The following PSMD7 variants were observed in gnomAD, a reference collection of about 807,000 sequenced individuals.
PSMD7 encodes proteasome 26S subunit, non-ATPase 7.
Under a neutral mutation model 36.4 loss-of-function variants are expected in PSMD7, and 13 were observed. The observed-to-expected ratio is 0.36, with a 90% CI of 0.23 to 0.57. The LOEUF (loss-of-function observed/expected upper bound fraction) is 0.57, where lower values mean the gene tolerates loss of function less well. Among genes scored for constraint, PSMD7 ranks in the 20% least tolerant of loss-of-function variants. The probability of loss-of-function intolerance (pLI) is 0.83; values close to 1 mark genes in which losing one functional copy is unlikely to be tolerated. For missense variants in PSMD7, 298 were observed against 393.6 expected (o/e 0.76, Z 2.06); for synonymous variants, 186 against 151.0 (o/e 1.23, Z -1.70).
rs1839693814 is a variant in PSMD7 at position 74,304,611 on chromosome 16, G to A, written c.530+217G>A. On this transcript the variant is annotated intron_variant, in intron 6 of 6. Coordinates refer to ENST00000219313, the MANE Select transcript of PSMD7 (RefSeq NM_002811.5). The stretch of plus-strand genomic sequence containing the variant: ...CTACATCAACTGTAAAATGTCTTGA[G>A]TTACAATTTATGACTTTGTGGATAG... 8.9e-6 allele frequency: 4 copies of A among 449,206 alleles called. No homozygotes were observed. The South Asian group carries it at 1.0e-4, about 12-fold the overall frequency. The allele number at this position is 449,206 out of a possible 1,614,324, so 27.8% of individuals were successfully genotyped here. A position where few individuals can be genotyped will look rare whatever the true frequency, so the allele number is the denominator to read the frequency against.
At chr16:74,303,704 G>A (rs1005945331) in intron 5 of PSMD7, among the ~76,000 whole-genome samples, 2 of 151,744 alleles carry the variant, frequency 1.3e-5, no homozygotes, top group Admixed American at 6.6e-5. Flanking sequence ...TCTGTATATT[G>A]TCCATTCTAG....
At position 74,299,422 on chromosome 16, in the gene PSMD7, T is replaced by C. The variant is rs554825045; in HGVS notation, c.75-693T>C. Reference sequence around the variant, plus strand: ...GAGACAGGGTCTGCCGAGGCTGGGGTGCAGTAGCACAATCTCAGCTCACTG... The same window carrying C: ...GAGACAGGGTCTGCCGAGGCTGGGGCGCAGTAGCACAATCTCAGCTCACTG... On this transcript the variant is annotated intron_variant, in intron 1 of 6. Transcript: ENST00000219313. Among the ~76,000 whole-genome samples, 4 of 152,280 alleles carry C rather than the reference T, an allele frequency of 2.6e-5. No individual in the cohort carries two copies. The South Asian group carries it at 6.2e-4, about 24-fold the overall frequency.
At position 74,305,960 on chromosome 16, in the gene PSMD7, A is replaced by T. The variant is rs1479094228; in HGVS notation, c.*227A>T. The T allele has an allele frequency of 1.6e-5, 6 of 377,164 alleles. No individual in the cohort carries two copies. The highest frequency in any genetic ancestry group is 2.3e-5 in the Non-Finnish European group (5 of 216,888). The allele number at this position is 377,164 out of a possible 1,614,324, so 23.4% of individuals were successfully genotyped here. ...GCTGTGAGTTGGGGATATGATAGTC[A>T]GCTCAGGCTTCAGATTGTATGAGAA... On this transcript the variant is annotated 3_prime_UTR_variant, in exon 7 of 7. Transcript: ENST00000219313.
At chr16:74,304,263 T>G in intron 5 of PSMD7, 40 bp from the exon 6 acceptor site, 1 of 1,574,008 alleles carries the variant, frequency 6.4e-7, no homozygotes, top group Non-Finnish European at 8.7e-7. Context: ...TCAGTTCGTT[T>G]GTGGAAAATA....
In PSMD7 at chr16:74,306,211, C is replaced by T. The variant is rs2142567480; in HGVS notation, c.*478C>T. The T allele has an allele frequency of 6.5e-6, 1 of 152,926 alleles. No individual in the cohort carries two copies. The highest frequency in any genetic ancestry group is 1.5e-5 in the Non-Finnish European group (1 of 68,154). 9.5% of individuals were successfully genotyped at this position (152,926 alleles called of 1,614,324 possible). On this transcript the variant is annotated 3_prime_UTR_variant, in exon 7 of 7. Coordinates refer to ENST00000219313, the MANE Select transcript of PSMD7 (RefSeq NM_002811.5). ...CACACCATGTTCTGGACCCATAGCT[C>T]TGGCATCCTCAGGGGTTGTGATCCA...
rs772439896 is a variant in PSMD7 at position 74,300,171 on chromosome 16, A to C, written c.131A>C (p.Gln44Pro). The change falls in exon 2 of 7, where the codon CAA becomes CCA. Residue 44 changes from glutamine to proline, a missense_variant. By Grantham distance (76) the Gln-to-Pro change is moderately conservative. Transcript: ENST00000219313. Reference protein sequence around the residue: ...RVVGVLLGSWQKKVLDVSNSF... With the variant: ...RVVGVLLGSWPKKVLDVSNSF... The stretch of plus-strand genomic sequence containing the variant: ...GTTGGTGTGCTTTTGGGGTCATGGC[A>C]AAAGAAAGTACTTGATGTATCGAAC... 6.2e-7 allele frequency: 1 copy of C among 1,614,222 alleles called. No individual in the cohort carries two copies. Among genetic ancestry groups the C allele is most frequent in the African/African-American group, 1.3e-5 (1 of 75,054 alleles).
chr16:74,297,029 T>C, intron 1 of PSMD7, 41 bp downstream of exon 1: 1 of 1,591,748 alleles, frequency 6.3e-7, no homozygotes, highest in Non-Finnish European at 8.6e-7. Context: ...GCGCAGCCGC[T>C]GCTGAGTCAC....
Position 74,296,856 on chromosome 16 carries a change from A to G in PSMD7, c.-59A>G. On this transcript the variant is annotated 5_prime_UTR_variant, in exon 1 of 7. Coordinates refer to ENST00000219313, the MANE Select transcript of PSMD7 (RefSeq NM_002811.5). ...GCCTGAAAGGGTACCGGTGACCGCT[A>G]CTGCTGCCGGTGTTTGCGTGTGGCA... 1 of 1,572,938 alleles carries G rather than the reference A, an allele frequency of 6.4e-7. No individual in the cohort carries two copies. Among genetic ancestry groups the G allele is most frequent in the East Asian group, 2.3e-5 (1 of 44,316 alleles).
At position 74,297,054 on chromosome 16, in the gene PSMD7, T is replaced by C. The variant is rs1377525762; in HGVS notation, c.74+66T>C. 4.5e-6 allele frequency: 7 copies of C among 1,549,792 alleles called. No individual in the cohort carries two copies. The Admixed American group carries it at 1.3e-4, about 29-fold the overall frequency. On this transcript the variant is annotated intron_variant, in intron 1 of 6. Transcript: ENST00000219313. ...TGCTGAGTCACGGGCACGCTGGAGATGGCGCGGCGGCCGCGGACGAGCTGG... is the reference window on the plus strand; with the variant it reads ...TGCTGAGTCACGGGCACGCTGGAGACGGCGCGGCGGCCGCGGACGAGCTGG...
intron 1 of PSMD7, among the ~76,000 whole-genome samples, chr16:74,299,283 G>C (rs372407798): frequency 3.9e-5 from 6 of 152,342 alleles, no homozygotes; most frequent in East Asian, 3.9e-4. Flanking sequence ...GAGTGTGTAA[G>C]TGATGCACTT....
chr16:74,298,214 G>A (rs1233618518), intron 1 of PSMD7, among the ~76,000 whole-genome samples: 4 of 150,572 alleles, frequency 2.7e-5, no homozygotes, highest in South Asian at 2.1e-4. Context: ...AATAAGGTAA[G>A]GAAACATCTC....
chr16:74,304,533 C>A, intron 6 of PSMD7, 139 bp downstream of exon 6: 3 of 635,140 alleles, frequency 4.7e-6, no homozygotes, highest in Non-Finnish European at 8.3e-6. Context: ...CTGAGCAAAT[C>A]ACAGTCCCTT....
intron 2 of PSMD7, chr16:74,300,415 CCT>C: frequency 1.7e-6 from 1 of 576,834 alleles, no homozygotes; most frequent in Non-Finnish European, 3.1e-6. Flanking sequence ...TGCACCTGCT[CCT>C]CTCTGCCATT....
intron 5 of PSMD7, 56 bp downstream of exon 5, chr16:74,302,348 G>GA: frequency 7.2e-7 from 1 of 1,392,566 alleles, no homozygotes; most frequent in Non-Finnish European, 1.0e-6. Flanking sequence ...TGGGTGATTA[G>GA]CTTTTTTTTT....
chr16:74,304,523 C>A (rs1322038944), intron 6 of PSMD7, 129 bp downstream of exon 6: 5 of 695,010 alleles, frequency 7.2e-6, no homozygotes, highest in Non-Finnish European at 1.2e-5. Flanking sequence ...GTCTGCCATT[C>A]TGAGCAAATC....
chr16:74,304,502 T>C, intron 6 of PSMD7, 108 bp downstream of exon 6: 1 of 897,592 alleles, frequency 1.1e-6, no homozygotes, highest in Non-Finnish European at 1.7e-6. Flanking sequence ...GTCCTGGCCG[T>C]CCACTAACAA....
At chr16:74,304,070 T>G in intron 5 of PSMD7, 1 of 394,778 alleles carries the variant, frequency 2.5e-6, no homozygotes, top group Non-Finnish European at 4.7e-6. Context: ...ATTTCCAGAT[T>G]TTTCTCAACG....
chr16:74,300,306 A>G, intron 2 of PSMD7, 100 bp downstream of exon 2: 1 of 1,073,204 alleles, frequency 9.3e-7, no homozygotes, highest in Admixed American at 2.1e-5. Flanking sequence ...CAACCCAGAG[A>G]TTGTCTTAAA....
intron 2 of PSMD7, 68 bp downstream of exon 2, chr16:74,300,274 C>G: frequency 7.2e-7 from 1 of 1,388,830 alleles, no homozygotes; most frequent in Non-Finnish European, 1.0e-6. Context: ...AAAATATAAA[C>G]CTTTGTTACC....
Sources: allele counts gnomAD v4.1 joint callset (sites outside exome capture counted in the v4.1 genomes callset), GRCh38; gene constraint gnomAD v4.1.1; transcripts MANE v1.5; gene names NCBI Gene and HGNC (gene_info 2026-07-23, HGNC 2026-07-21).